Variants in MN1 observed in about 807,000 individuals in gnomAD.
MN1 encodes the protein MN1 proto-oncogene, transcriptional regulator, also known as transcriptional activator MN1.
In MN1, 19 loss-of-function variants were observed where a neutral mutation model predicts 86.9. The observed-to-expected ratio is 0.22, with a 90% CI of 0.15 to 0.32. The LOEUF is 0.32. Ranked by LOEUF, MN1 falls within the 10% of genes least tolerant of loss-of-function variation. The probability of loss-of-function intolerance (pLI) is 1.00; values close to 1 mark genes in which losing one functional copy is unlikely to be tolerated. For missense variants in MN1, 1,841 were observed against 1,862.0 expected, an observed-to-expected ratio of 0.99 and a Z score of 0.21; for synonymous variants, 928 against 849.6, an observed-to-expected ratio of 1.09 and a Z score of -1.60.
At position 27,799,415 on chromosome 22, in the gene MN1, C is replaced by A. The variant is rs1375456766; in HGVS notation, c.1129G>T (p.Ala377Ser). 1 of 1,486,582 alleles carries A rather than the reference C, an allele frequency of 6.7e-7. No individual in the cohort carries two copies. Among genetic ancestry groups the A allele is most frequent in the East Asian group, 2.4e-5 (1 of 41,932 alleles). The allele number at this position is 1,486,582 out of a possible 1,614,324, so 92.1% of individuals were successfully genotyped here. Residue 377 changes from alanine (A) to serine (S), a missense_variant, in exon 1 of 2, where the codon GCG becomes TCG. Ala to Ser is a moderately conservative substitution (Grantham distance 99). Coordinates refer to ENST00000302326, the MANE Select transcript of MN1 (RefSeq NM_002430.3). ...LLVRQNSCPP[A>S]LPRPQQGEAG... ...TCGCCCTGCTGGGGCCGAGGGAGCG[C>A]AGGCGGGCACGAATTTTGTCGGACT...
intron 1 of MN1, among the ~76,000 whole-genome samples, chr22:27,770,281 G>C (rs1028379696): frequency 6.6e-6 from 1 of 152,204 alleles, no homozygotes; most frequent in Non-Finnish European, 1.5e-5. Flanking sequence ...AGAGATTCTT[G>C]TCACCCCAGA....
chr22:27,790,599 C>A (rs1019160804), intron 1 of MN1, among the ~76,000 whole-genome samples: 1 of 151,168 alleles, frequency 6.6e-6, no homozygotes, highest in East Asian at 1.9e-4. Flanking sequence ...GTCTCCGCCA[C>A]GTCGTTGGTA....
chr22:27,774,285 C>T (rs1457501547), intron 1 of MN1, among the ~76,000 whole-genome samples: 1 of 152,202 alleles, frequency 6.6e-6, no homozygotes, highest in African/African-American at 2.4e-5. Context: ...ATTCTAAGGC[C>T]ACTGCCCAGT....
intron 1 of MN1, among the ~76,000 whole-genome samples, chr22:27,793,381 G>C (rs955932925): frequency 2.8e-5 from 4 of 144,692 alleles, no homozygotes; most frequent in Non-Finnish European, 5.9e-5. Context: ...CATTTCTATA[G>C]TGTGTTACAA....
chr22:27,784,482 C>G (rs1280856393), intron 1 of MN1, among the ~76,000 whole-genome samples: 4 of 152,172 alleles, frequency 2.6e-5, no homozygotes, highest in Non-Finnish European at 5.9e-5. Context: ...CTGCTGAGAA[C>G]TAGGACACCA....
In MN1 at chr22:27,797,766, G is replaced by T; in HGVS notation, c.2778C>A (p.Ser926=). 1 of 1,607,718 alleles carries T rather than the reference G, an allele frequency of 6.2e-7. No homozygotes were observed. The part of the protein sequence containing the change: ...TSLSPNYTLE[S]TSGNDGKPVS... ...CCGGCTTGCCGTCATTCCCCGACGTGGATTCCAGGGTGTAGTTGGGGGAGA... is the reference window on the plus strand; with the variant it reads ...CCGGCTTGCCGTCATTCCCCGACGTTGATTCCAGGGTGTAGTTGGGGGAGA... The change falls in exon 1 of 2, where the codon TCC becomes TCA. Residue 926 remains serine (S), a synonymous_variant. Transcript: ENST00000302326.
In MN1 at chr22:27,800,869, T is replaced by A; in HGVS notation, c.-326A>T. The A allele has an allele frequency of 3.0e-6, 1 of 335,846 alleles. No individual in the cohort carries two copies. Among genetic ancestry groups the A allele is most frequent in the Non-Finnish European group, 5.4e-6 (1 of 185,894 alleles). The allele number at this position is 335,846 out of a possible 1,614,324, so 20.8% of individuals were successfully genotyped here. A position where few individuals can be genotyped will look rare whatever the true frequency, so the allele number is the denominator to read the frequency against. Reference sequence around the variant, plus strand: ...TGCGGGGAGGGGACGAAGCCGCGGATGAACGGAGACAAAAAGTTAAGTGGG... The same window carrying A: ...TGCGGGGAGGGGACGAAGCCGCGGAAGAACGGAGACAAAAAGTTAAGTGGG... On this transcript the variant is annotated 5_prime_UTR_variant, in exon 1 of 2. Coordinates refer to ENST00000302326, the MANE Select transcript of MN1 (RefSeq NM_002430.3).
intron 1 of MN1, among the ~76,000 whole-genome samples, chr22:27,769,552 ATTT>A (rs58248602): frequency 2.4e-5 from 2 of 83,280 alleles, no homozygotes; most frequent in South Asian, 5.2e-4. Flanking sequence ...AAGGATGCCA[ATTT>A]TTTTTTTTTT....
chr22:27,790,138 C>T (rs1248693688), intron 1 of MN1, among the ~76,000 whole-genome samples: 1 of 152,228 alleles, frequency 6.6e-6, no homozygotes, highest in Admixed American at 6.5e-5. Flanking sequence ...AAATGAAGGC[C>T]GGCACACAAA....
At position 27,798,457 on chromosome 22, in the gene MN1, G is replaced by A; in HGVS notation, c.2087C>T (p.Pro696Leu). 7 of 1,564,574 alleles carry A rather than the reference G, an allele frequency of 4.5e-6. No homozygotes were observed. The highest frequency in any genetic ancestry group is 6.0e-6 in the Non-Finnish European group (7 of 1,164,628). The change falls in exon 1 of 2, where the codon CCT becomes CTT. Residue 696 changes from proline (P) to leucine (L), a missense_variant. Coordinates refer to ENST00000302326, the MANE Select transcript of MN1 (RefSeq NM_002430.3). ...GCCCCCGAACTGCAGGCCCGGTGAA[G>A]GCAGCGCGGGCACGTGGCCCTCTCC... ...MPGEGHVPAL[P>L]SPGLQFGGSL...
intron 1 of MN1, 98 bp downstream of exon 1, chr22:27,796,665 T>C: frequency 1.5e-6 from 2 of 1,300,650 alleles, no homozygotes; most frequent in South Asian, 2.8e-5. Flanking sequence ...GTTTGTGCCC[T>C]CCAAACCTCA....
intron 1 of MN1, among the ~76,000 whole-genome samples, chr22:27,772,155 T>C (rs538382836): frequency 1.3e-5 from 2 of 152,276 alleles, no homozygotes; most frequent in East Asian, 3.9e-4. Flanking sequence ...TGGGTTTAAG[T>C]CCTGGCGACA....
Position 27,796,895 on chromosome 22 carries a change from C to G in MN1, c.3649G>C (p.Asp1217His), listed in dbSNP as rs1418330589. Reference sequence around the variant, plus strand: ...GCGCTGTGCTCTGCCATCAGCGAGTCCAGGTCAATGGTGCTCATGGCGCTC... The same window carrying G: ...GCGCTGTGCTCTGCCATCAGCGAGTGCAGGTCAATGGTGCTCATGGCGCTC... ...VKSAMSTIDL[D>H]SLMAEHSAAW... is the part of the protein sequence containing the mutation. Residue 1217 changes from aspartate (D) to histidine (H), a missense_variant, in exon 1 of 2, where the codon GAC (aspartate) becomes CAC (histidine). Coordinates refer to ENST00000302326, the MANE Select transcript of MN1 (RefSeq NM_002430.3). 6.2e-7 allele frequency: 1 copy of G among 1,613,196 alleles called. No individual in the cohort carries two copies. The highest frequency in any genetic ancestry group is 8.5e-7 in the Non-Finnish European group (1 of 1,180,008).
chr22:27,769,455 G>A (rs746808755), intron 1 of MN1, among the ~76,000 whole-genome samples: 2 of 151,818 alleles, frequency 1.3e-5, no homozygotes, highest in African/African-American at 2.4e-5. Flanking sequence ...TCTGGATGGT[G>A]GAAATTCGCA....
At position 27,798,344 on chromosome 22, in the gene MN1, C is replaced by A. The variant is rs1933346886; in HGVS notation, c.2200G>T (p.Asp734Tyr). 1.3e-6 allele frequency: 2 copies of A among 1,509,402 alleles called. No homozygotes were observed. Among genetic ancestry groups the A allele is most frequent in the African/African-American group, 1.4e-5 (1 of 69,762 alleles). The allele number at this position is 1,509,402 out of a possible 1,614,324, so 93.5% of individuals were successfully genotyped here. ...AASERRPPPP[D>Y]FATSALGGQP... ...CCCCCGAGCGCAGACGTAGCAAAGT[C>A]CGGCGGCGGGGGCCGGCGCTCCGAA... Residue 734 changes from aspartate (D) to tyrosine (Y), a missense_variant, in exon 1 of 2, where the codon GAC (aspartate) becomes TAC (tyrosine). By Grantham distance (160) the Asp-to-Tyr change is radical. Transcript: ENST00000302326.
In MN1 at chr22:27,748,983, G is replaced by A. The variant is rs1353314165; in HGVS notation, c.*1932C>T. On this transcript the variant is annotated 3_prime_UTR_variant, in exon 2 of 2. Coordinates refer to ENST00000302326, the MANE Select transcript of MN1 (RefSeq NM_002430.3). ...ACTCTCCCACAGCCCATGGTGGGGG[G>A]AAATTCCCTTCCCTTTCCATTCCTT... The A allele has an allele frequency of 4.3e-6, 1 of 231,280 alleles. No homozygotes were observed. Among genetic ancestry groups the A allele is most frequent in the East Asian group, 6.1e-5 (1 of 16,346 alleles). The allele number at this position is 231,280 out of a possible 1,614,324, so 14.3% of individuals were successfully genotyped here.
chr22:27,783,759 T>C (rs1230655146), intron 1 of MN1, among the ~76,000 whole-genome samples: 3 of 152,212 alleles, frequency 2.0e-5, no homozygotes, highest in African/African-American at 7.2e-5. Context: ...ATATTGATAG[T>C]GAAAAACCAC....
intron 1 of MN1, among the ~76,000 whole-genome samples, chr22:27,795,910 G>A (rs1454109748): frequency 2.0e-5 from 3 of 152,122 alleles, no homozygotes; most frequent in East Asian, 1.9e-4. Context: ...TGGGGAGGGG[G>A]TGCTTAGAAT....
In MN1 at chr22:27,799,268, C is replaced by G; in HGVS notation, c.1276G>C (p.Val426Leu). 6.3e-7 allele frequency: 1 copy of G among 1,582,016 alleles called. No individual in the cohort carries two copies. Among genetic ancestry groups the G allele is most frequent in the Non-Finnish European group, 8.6e-7 (1 of 1,162,974 alleles). The change falls in exon 1 of 2, where the codon GTT becomes CTT. Residue 426 changes from valine (V) to leucine (L), a missense_variant. By Grantham distance (32) the Val-to-Leu change is conservative. Coordinates refer to ENST00000302326, the MANE Select transcript of MN1 (RefSeq NM_002430.3). ...NRSMHPYSEPVFSMQHPPPQQ... is the reference protein window; with the variant it reads ...NRSMHPYSEPLFSMQHPPPQQ... ...GGAGGAGGATGCTGCATGCTGAAAACAGGCTCGGAATAAGGGTGCATGCTC... is the reference window on the plus strand; with the variant it reads ...GGAGGAGGATGCTGCATGCTGAAAAGAGGCTCGGAATAAGGGTGCATGCTC...
Sources: gnomAD v4.1 joint callset for allele counts (sites outside exome capture counted in the v4.1 genomes callset) on GRCh38, gnomAD v4.1.1 for gene constraint, MANE v1.5 for transcripts, NCBI Gene and HGNC (gene_info 2026-07-23, HGNC 2026-07-21) for gene names.